Variants in EIF2B1 observed in about 807,000 individuals in gnomAD.
The protein encoded by EIF2B1 is translation initiation factor eIF2B subunit alpha.
Under a neutral mutation model 36.8 loss-of-function variants are expected in EIF2B1, and 30 were observed. The observed-to-expected ratio is 0.81, with a 90% CI of 0.61 to 1.10. EIF2B1 has a LOEUF of 1.10. EIF2B1 is among the 50% of genes least tolerant of loss of function. EIF2B1 has a pLI of 0.00. For synonymous variants in EIF2B1, 139 were observed against 142.2 expected (o/e 0.98, Z 0.16); for missense variants, 271 against 374.8 (o/e 0.72, Z 2.29).
chr12:123,627,708 G>C (rs1314425497), intron 4 of EIF2B1, among the ~76,000 whole-genome samples: 1 of 152,226 alleles, frequency 6.6e-6, no homozygotes, highest in East Asian at 1.9e-4. Context: ...AAAAAAATTA[G>C]CTGGATGCAG....
At chr12:123,622,875 C>T (rs577291286) in intron 7 of EIF2B1, 114 bp from the exon 8 acceptor site, 75 of 1,525,168 alleles carry the variant, frequency 4.9e-5, no homozygotes, top group Admixed American at 1.4e-4. Flanking sequence ...TTTGGGAGGC[C>T]GAGGTGGGTG....
In EIF2B1 at chr12:123,626,416, G is replaced by T; in HGVS notation, c.551+9C>A. ...GAGGTGATTATGGCTGGGGAAGATG[G>T]GCACTCACCCGACAGCAGCATCTAG... On this transcript the variant is annotated intron_variant, in intron 6 of 8. Coordinates refer to ENST00000424014, the MANE Select transcript of EIF2B1 (RefSeq NM_001414.4). 1 of 1,614,044 alleles carries T rather than the reference G, an allele frequency of 6.2e-7. No individual in the cohort carries two copies. The highest frequency in any genetic ancestry group is 8.5e-7 in the Non-Finnish European group (1 of 1,179,940).
intron 7 of EIF2B1, 78 bp from the exon 8 acceptor site, chr12:123,622,839 A>C: frequency 6.3e-7 from 1 of 1,598,672 alleles, no homozygotes; most frequent in African/African-American, 1.3e-5. Context: ...GGCCGGGCAC[A>C]GTGGTGCATG....
chr12:123,632,742 C>T (rs1306996641), intron 1 of EIF2B1, among the ~76,000 whole-genome samples: 1 of 151,506 alleles, frequency 6.6e-6, no homozygotes, highest in Non-Finnish European at 1.5e-5. Flanking sequence ...GTCAGGAGAT[C>T]GAGACCATCC....
chr12:123,624,734 G>A, intron 7 of EIF2B1, 53 bp downstream of exon 7: 1 of 1,485,212 alleles, frequency 6.7e-7, no homozygotes, highest in Non-Finnish European at 9.4e-7. Context: ...TCCTAGGTCA[G>A]CAAGACACCT....
In EIF2B1 at chr12:123,630,013, G is replaced by A; in HGVS notation, c.369+156C>T. On this transcript the variant is annotated intron_variant, in intron 4 of 8. Coordinates refer to ENST00000424014, the MANE Select transcript of EIF2B1 (RefSeq NM_001414.4). This position sits in a 1 kb window ranked among gnomAD's most constrained non-coding sequence, Gnocchi z 4.6. ...ACAACCCAAGGAGGTAGGTACTATTGTCATCCTTATTTAACAGATGAGAAA... is the reference window on the plus strand; with the variant it reads ...ACAACCCAAGGAGGTAGGTACTATTATCATCCTTATTTAACAGATGAGAAA... 1.4e-6 allele frequency: 1 copy of A among 736,952 alleles called. No individual in the cohort carries two copies. The highest frequency in any genetic ancestry group is 2.4e-6 in the Non-Finnish European group (1 of 415,208). 45.7% of individuals were successfully genotyped at this position (736,952 alleles called of 1,614,324 possible). A position where few individuals can be genotyped will look rare whatever the true frequency, so the allele number is the denominator to read the frequency against.
chr12:123,629,011 G>A (rs1265438599), intron 4 of EIF2B1, among the ~76,000 whole-genome samples: 1 of 152,112 alleles, frequency 6.6e-6, no homozygotes, highest in Non-Finnish European at 1.5e-5. Context: ...GCGAGAGGAA[G>A]TCACAACCTT....
chr12:123,628,351 C>T (rs1021243137), intron 4 of EIF2B1, among the ~76,000 whole-genome samples: 1 of 74,980 alleles, frequency 1.3e-5, no homozygotes, highest in Non-Finnish European at 2.5e-5. Flanking sequence ...CCCATAACCT[C>T]TTTTTTTTTT....
At chr12:123,632,473 C>G (rs755967660) in intron 1 of EIF2B1, 27 bp from the exon 2 acceptor site, 2 of 1,503,344 alleles carry the variant, frequency 1.3e-6, no homozygotes, top group African/African-American at 1.4e-5. Context: ...AAGTGATTCA[C>G]CTAATTCATT....
At chr12:123,626,213 C>G in intron 6 of EIF2B1, 1 of 596,322 alleles carries the variant, frequency 1.7e-6, no homozygotes, top group Non-Finnish European at 3.0e-6. Context: ...AGACACAACT[C>G]CCACTCTCCC....
Position 123,632,286 on chromosome 12 carries a change from G to GA in EIF2B1, c.115+58dup, listed in dbSNP as rs1327512604. On this transcript the variant is annotated intron_variant, in intron 2 of 8. Transcript: ENST00000424014. ...CCGTCTCTTTAAAAAAAAAAAAAAA[G>GA]AAAAGAAAAAAAAGACTATCCTAAG... is the stretch of plus-strand genomic sequence containing the variant. The GA allele has an allele frequency of 2.4e-4, 218 of 916,994 alleles. 3 individuals carry two copies. Among genetic ancestry groups the GA allele is most frequent in the African/African-American group, 1.6e-3 (84 of 52,738 alleles). The allele number at this position is 916,994 out of a possible 1,614,324, so 56.8% of individuals were successfully genotyped here.
intron 5 of EIF2B1, 131 bp downstream of exon 5, chr12:123,626,913 G>A (rs1200817710): frequency 4.9e-6 from 4 of 819,594 alleles, no homozygotes; most frequent in Non-Finnish European, 8.4e-6. Context: ...GCAGGAAAAG[G>A]TACAATGAAA....
chr12:123,622,523 T>C, intron 8 of EIF2B1, 113 bp downstream of exon 8: 4 of 1,418,122 alleles, frequency 2.8e-6, no homozygotes, highest in African/African-American at 1.4e-5. Context: ...ATTCCAAGTG[T>C]TGGGGAAAGT....
intron 7 of EIF2B1, 77 bp from the exon 8 acceptor site, chr12:123,622,838 C>G: frequency 6.3e-7 from 1 of 1,599,888 alleles, no homozygotes; most frequent in Non-Finnish European, 8.5e-7. Flanking sequence ...GGGCCGGGCA[C>G]AGTGGTGCAT....
chr12:123,632,448 T>C lies in EIF2B1; in HGVS notation c.14-2A>G, dbSNP rs1468940369. The C allele has an allele frequency of 1.2e-6, 2 of 1,607,214 alleles. No individual in the cohort carries two copies. Among genetic ancestry groups the C allele is most frequent in the Non-Finnish European group, 1.7e-6 (2 of 1,174,654 alleles). On this transcript the variant is annotated splice_acceptor_variant, in intron 1 of 8. Coordinates refer to ENST00000424014, the MANE Select transcript of EIF2B1 (RefSeq NM_001414.4). LOFTEE classifies it high-confidence loss of function. ...GAGACTTAAAGTATTCAATTAACTC[T>C]GGAAAAAGGGAAAAAAGTGATTCAC... is the stretch of plus-strand genomic sequence containing the variant.
chr12:123,622,998 T>C (rs1289174689), intron 7 of EIF2B1, among the ~76,000 whole-genome samples: 1 of 152,114 alleles, frequency 6.6e-6, no homozygotes, highest in Non-Finnish European at 1.5e-5. Flanking sequence ...GTATATAATA[T>C]AGATATACAT....
chr12:123,623,271 A>G (rs1042200583), intron 7 of EIF2B1, among the ~76,000 whole-genome samples: 9 of 151,976 alleles, frequency 5.9e-5, no homozygotes, highest in African/African-American at 2.2e-4. Flanking sequence ...CTGTAATCCC[A>G]GCTACTAGGG....
chr12:123,624,287 G>T (rs1480437193), intron 7 of EIF2B1, among the ~76,000 whole-genome samples: 9 of 143,204 alleles, frequency 6.3e-5, no homozygotes, highest in African/African-American at 2.4e-4. Flanking sequence ...CTGAGACAGG[G>T]TCTCACCATC....
In EIF2B1 at chr12:123,630,421, G is replaced by A; in HGVS notation, c.228C>T (p.Ile76=). 1 of 1,614,184 alleles carries A rather than the reference G, an allele frequency of 6.2e-7. No homozygotes were observed. The highest frequency in any genetic ancestry group is 8.5e-7 in the Non-Finnish European group (1 of 1,180,022). ...CGGAGTATTCCAGGGAGGCAAGACT[G>A]ATGAAGCGGAGGAAGAGCTCCCCGC... The part of the protein sequence containing the change: ...SSGGELFLRF[I]SLASLEYSDY... Residue 76 remains isoleucine, a synonymous_variant, in exon 3 of 9, where the codon ATC becomes ATT. Coordinates refer to ENST00000424014, the MANE Select transcript of EIF2B1 (RefSeq NM_001414.4). The surrounding 1 kb of genome is among the most constrained non-coding windows in gnomAD (Gnocchi z 4.6).
Sources: gnomAD v4.1 joint callset for allele counts (sites outside exome capture counted in the v4.1 genomes callset) on GRCh38, gnomAD v4.1.1 for gene constraint, Gnocchi (gnomAD v3.1) non-coding constraint, MANE v1.5 for transcripts, NCBI Gene and HGNC (gene_info 2026-07-23, HGNC 2026-07-21) for gene names.